The following MS4A4E variants were observed in gnomAD, a reference collection of about 807,000 sequenced individuals.
MS4A4E encodes the protein putative membrane-spanning 4-domains subfamily A member 4E.
In MS4A4E, 23 loss-of-function variants were observed where a neutral mutation model predicts 13.3. The observed-to-expected ratio is 1.73, with a 90% CI of 1.25 to 2.45. The LOEUF is 2.45. Among genes scored for constraint, MS4A4E ranks in the 30% most tolerant of loss-of-function variants. The probability of loss-of-function intolerance (pLI) is 0.00; values close to 1 mark genes in which losing one functional copy is unlikely to be tolerated. For synonymous variants in MS4A4E, 36 were observed against 45.6 expected, an observed-to-expected ratio of 0.79 and a Z score of 0.85; for missense variants, 144 against 131.2, an observed-to-expected ratio of 1.10 and a Z score of -0.48.
chr11:60,241,497 T>G (rs1469501350), intron 1 of MS4A4E, among the ~76,000 whole-genome samples: 1 of 152,204 alleles, frequency 6.6e-6, no homozygotes, highest in Non-Finnish European at 1.5e-5. Flanking sequence ...TATATCAAAT[T>G]AAGGCTTATA....
chr11:60,203,000 T>C (rs911159144), intron 8 of MS4A4E, among the ~76,000 whole-genome samples: 1 of 152,186 alleles, frequency 6.6e-6, no homozygotes, highest in Admixed American at 6.5e-5. Context: ...TTAATGAAAA[T>C]TACCGATTTT....
chr11:60,229,884 T>G, intron 2 of MS4A4E, 28 bp downstream of exon 2: 1 of 1,570,716 alleles, frequency 6.4e-7, no homozygotes, highest in Non-Finnish European at 8.6e-7. Flanking sequence ...ACACTATTGG[T>G]CTTCTCCCAG....
At chr11:60,218,362 C>T (rs1271551242) in intron 3 of MS4A4E, among the ~76,000 whole-genome samples, 1 of 152,126 alleles carries the variant, frequency 6.6e-6, no homozygotes, top group Non-Finnish European at 1.5e-5. Flanking sequence ...ATTCTATTAC[C>T]TTGTACAGTA....
intron 1 of MS4A4E, 36 bp from the exon 2 acceptor site, chr11:60,230,107 G>A: frequency 6.5e-7 from 1 of 1,534,172 alleles, no homozygotes; most frequent in Non-Finnish European, 8.7e-7. Context: ...TGAGGTCCTG[G>A]AAATGACAAA....
chr11:60,202,315 T>C (rs1217896360), intron 8 of MS4A4E, among the ~76,000 whole-genome samples: 2 of 152,232 alleles, frequency 1.3e-5, no homozygotes, highest in East Asian at 3.8e-4. Context: ...AACAAACCTA[T>C]CCTTTGGTGC....
chr11:60,206,186 A>G (rs1175840418), intron 6 of MS4A4E, among the ~76,000 whole-genome samples: 1 of 152,034 alleles, frequency 6.6e-6, no homozygotes, highest in African/African-American at 2.4e-5. Context: ...AAAAAAAGTC[A>G]AGTAAGTGAG....
At chr11:60,222,624 C>G (rs1240490399) in intron 3 of MS4A4E, among the ~76,000 whole-genome samples, 1 of 152,176 alleles carries the variant, frequency 6.6e-6, no homozygotes, top group Non-Finnish European at 1.5e-5. Context: ...ACCATCACCC[C>G]TAGTGACCTA....
Position 60,214,582 on chromosome 11 carries a change from T to C in MS4A4E, c.211A>G (p.Thr71Ala). 6.5e-7 allele frequency: 1 copy of C among 1,533,330 alleles called. No homozygotes were observed. The highest frequency in any genetic ancestry group is 8.7e-7 in the Non-Finnish European group (1 of 1,144,420). The allele number at this position is 1,533,330 out of a possible 1,614,324, so 95.0% of individuals were successfully genotyped here. A position where few individuals can be genotyped will look rare whatever the true frequency, so the allele number is the denominator to read the frequency against. The change falls in exon 4 of 9, where the codon ACA becomes GCA. Residue 71 changes from threonine (T) to alanine (A), a missense_variant. Thr to Ala is a moderately conservative substitution (Grantham distance 58, BLOSUM62 0). Coordinates refer to ENST00000651255, the MANE Select transcript of MS4A4E (RefSeq NM_001393391.1). ...SLSVAAGIRT[T>A]KGLVGGSLGK... ...AAAACATTACTCACCAGACCTTTTG[T>C]TGTTCTAATTCCTGCTGCAACTGAT...
chr11:60,210,315 C>G (rs1470155444), intron 5 of MS4A4E, among the ~76,000 whole-genome samples: 1 of 152,038 alleles, frequency 6.6e-6, no homozygotes, highest in Non-Finnish European at 1.5e-5. Context: ...CCAGGAAGCC[C>G]TTATGGAGGT....
At chr11:60,225,105 G>A in intron 3 of MS4A4E, 1 of 1,511,278 alleles carries the variant, frequency 6.6e-7, no homozygotes, top group Non-Finnish European at 8.9e-7. Context: ...TAGAAATGAT[G>A]AAAGCAAAAA....
intron 5 of MS4A4E, among the ~76,000 whole-genome samples, chr11:60,212,100 T>G (rs1227474183): frequency 6.6e-6 from 1 of 152,036 alleles, no homozygotes; most frequent in East Asian, 1.9e-4. Context: ...ATAAAGCAAT[T>G]GAGATAGCAT....
intron 3 of MS4A4E, among the ~76,000 whole-genome samples, chr11:60,220,633 C>T (rs1345252644): frequency 6.6e-6 from 1 of 152,172 alleles, no homozygotes; most frequent in African/African-American, 2.4e-5. Flanking sequence ...ATTGGTAAGA[C>T]ATTTGCATGC....
chr11:60,221,116 A>G (rs1053995752), intron 3 of MS4A4E, among the ~76,000 whole-genome samples: 2 of 152,292 alleles, frequency 1.3e-5, no homozygotes, highest in African/African-American at 4.8e-5. Context: ...TCTTCTGCAG[A>G]TAACTACTTT....
At chr11:60,213,382 A>AT (rs2084149921) in intron 4 of MS4A4E, 3 of 1,347,304 alleles carry the variant, frequency 2.2e-6, no homozygotes, top group African/African-American at 1.4e-5. Flanking sequence ...GTTTTCAATG[A>AT]TTTTTTACAC....
intron 3 of MS4A4E, among the ~76,000 whole-genome samples, chr11:60,227,780 C>T (rs1199312426): frequency 6.6e-6 from 1 of 151,572 alleles, no homozygotes; most frequent in African/African-American, 2.4e-5. Flanking sequence ...AATAGAAAGC[C>T]TAGAAATAGA....
At chr11:60,207,920 T>G (rs549391083) in intron 6 of MS4A4E, among the ~76,000 whole-genome samples, 1 of 152,316 alleles carries the variant, frequency 6.6e-6, no homozygotes, top group African/African-American at 2.4e-5. Context: ...ATCATGACAT[T>G]CCTTCCGTAT....
intron 3 of MS4A4E, among the ~76,000 whole-genome samples, chr11:60,222,926 G>A (rs1590718389): frequency 6.6e-6 from 1 of 152,118 alleles, no homozygotes; most frequent in Non-Finnish European, 1.5e-5. Context: ...CCCTTAGGGT[G>A]TCTCTTAGTA....
At position 60,213,417 on chromosome 11, in the gene MS4A4E, T is replaced by C. The variant is rs560399472; in HGVS notation, c.223-285A>G. 4 of 952,976 alleles carry C rather than the reference T, an allele frequency of 4.2e-6. No individual in the cohort carries two copies. The Admixed American group carries it at 7.0e-5, about 17-fold the overall frequency. The allele number at this position is 952,976 out of a possible 1,614,324, so 59.0% of individuals were successfully genotyped here. Reference sequence around the variant, plus strand: ...CATTAGCTGGACAGTCATGTCTGTGTCCTTCCCTGCCATTCCTTGCTTCTG... The same window carrying C: ...CATTAGCTGGACAGTCATGTCTGTGCCCTTCCCTGCCATTCCTTGCTTCTG... On this transcript the variant is annotated intron_variant, in intron 4 of 8. Coordinates refer to ENST00000651255, the MANE Select transcript of MS4A4E (RefSeq NM_001393391.1).
intron 1 of MS4A4E, among the ~76,000 whole-genome samples, chr11:60,233,041 C>T (rs2134966913): frequency 6.6e-6 from 1 of 152,234 alleles, no homozygotes; most frequent in Middle Eastern, 3.4e-3. Context: ...GCCCCACCTC[C>T]CCGGAACTGA....
Sources: allele counts gnomAD v4.1 joint callset (sites outside exome capture counted in the v4.1 genomes callset), GRCh38; gene constraint gnomAD v4.1.1; transcripts MANE v1.5; gene names NCBI Gene and HGNC (gene_info 2026-07-23, HGNC 2026-07-21).